Variants in CFDP1 observed in about 807,000 individuals in gnomAD.
CFDP1 encodes chromatin remodeling protein CFDP1.
A neutral mutation model predicts 40.1 loss-of-function variants in CFDP1; 31 were observed. That is an observed-to-expected ratio of 0.77 (90% CI 0.58 to 1.04). The LOEUF (loss-of-function observed/expected upper bound fraction) is 1.04, where lower values mean the gene tolerates loss of function less well. CFDP1 is among the 50% of genes least tolerant of loss of function. The pLI is 0.00. For missense variants in CFDP1, 423 were observed against 343.4 expected (o/e 1.23, Z -1.83); for synonymous variants, 167 against 120.0 (o/e 1.39, Z -2.56).
chr16:75,312,885 C>T (rs1314392477), intron 5 of CFDP1, among the ~76,000 whole-genome samples: 1 of 152,170 alleles, frequency 6.6e-6, no homozygotes, highest in African/African-American at 2.4e-5. Context: ...GCACAGACTC[C>T]TGGTCTCTAT....
rs79605602 is a variant in CFDP1, at chr16:75,310,293, T to C, written c.651-5111A>G. 1.4e-3 allele frequency among the ~76,000 whole-genome samples: 215 copies of C among 152,302 alleles called. 6 individuals are homozygous for C. In the East Asian group the frequency reaches 0.039, roughly 27 times the overall value. On this transcript the variant is annotated intron_variant, in intron 5 of 6. Transcript: ENST00000283882. ...GAAAGAGACACTTATTTTCCAAGCT[T>C]ATCTTTCTTGCATATTTTGTTCAGT...
intron 6 of CFDP1, among the ~76,000 whole-genome samples, chr16:75,302,333 T>G (rs1385380444): frequency 1.3e-5 from 2 of 152,340 alleles, no homozygotes; most frequent in East Asian, 3.9e-4. Context: ...CGATCAGAGC[T>G]CACTGCAGCC....
chr16:75,298,158 T>G (rs1417705768), intron 6 of CFDP1, among the ~76,000 whole-genome samples: 3 of 152,248 alleles, frequency 2.0e-5, no homozygotes, highest in Non-Finnish European at 4.4e-5. Flanking sequence ...TGTGTTTGTT[T>G]AAACTTGGGT....
intron 5 of CFDP1, among the ~76,000 whole-genome samples, chr16:75,382,090 G>A (rs534038697): frequency 6.6e-6 from 1 of 151,108 alleles, no homozygotes; most frequent in African/African-American, 2.4e-5. Context: ...ACTCCAGCCT[G>A]GGCAACAGGA....
chr16:75,314,165 G>A (rs1231223745), intron 5 of CFDP1, among the ~76,000 whole-genome samples: 7 of 152,318 alleles, frequency 4.6e-5, no homozygotes, highest in South Asian at 2.1e-4. Flanking sequence ...GATTACAGGC[G>A]TGAGCCATCG....
At chr16:75,428,828 G>A (rs1384230165) in intron 1 of CFDP1, among the ~76,000 whole-genome samples, 1 of 151,724 alleles carries the variant, frequency 6.6e-6, no homozygotes, top group African/African-American at 2.4e-5. Context: ...ATTAGAAAAT[G>A]GGAACAGGCC....
chr16:75,401,156 C>A (rs1355023766), intron 4 of CFDP1, among the ~76,000 whole-genome samples: 2 of 151,998 alleles, frequency 1.3e-5, no homozygotes, highest in Non-Finnish European at 2.9e-5. Context: ...TGGCTGGGCG[C>A]AGTGGCTCAC....
At chr16:75,365,028 G>T (rs2078704334) in intron 5 of CFDP1, among the ~76,000 whole-genome samples, 1 of 152,234 alleles carries the variant, frequency 6.6e-6, no homozygotes, top group South Asian at 2.1e-4. Flanking sequence ...ATAATGTGTT[G>T]TGGATTATTT....
intron 5 of CFDP1, among the ~76,000 whole-genome samples, chr16:75,356,215 G>C (rs2078643214): frequency 6.6e-6 from 1 of 152,148 alleles, no homozygotes; most frequent in African/African-American, 2.4e-5. Flanking sequence ...ATGTATTTAA[G>C]TAATAAGACC....
At chr16:75,366,629 A>T (rs1296698612) in intron 5 of CFDP1, among the ~76,000 whole-genome samples, 2 of 152,128 alleles carry the variant, frequency 1.3e-5, no homozygotes, top group African/African-American at 4.8e-5. Context: ...ACTCTGTCTC[A>T]AAAACAAACA....
At chr16:75,412,856 T>C in intron 2 of CFDP1, 102 bp from the exon 3 acceptor site, 1 of 874,206 alleles carries the variant, frequency 1.1e-6, no homozygotes, top group Non-Finnish European at 1.8e-6. Flanking sequence ...AAGAACACTT[T>C]AAATTCTGGG....
At chr16:75,401,919 G>A (rs1250665937) in intron 4 of CFDP1, among the ~76,000 whole-genome samples, 1 of 152,184 alleles carries the variant, frequency 6.6e-6, no homozygotes, top group Non-Finnish European at 1.5e-5. Context: ...AACCATGAAA[G>A]CAAGTCATTG....
intron 4 of CFDP1, among the ~76,000 whole-genome samples, chr16:75,408,430 T>G (rs2079124155): frequency 6.6e-6 from 1 of 151,980 alleles, no homozygotes; most frequent in African/African-American, 2.4e-5. Flanking sequence ...TCAATACAAC[T>G]TAGATTAAGA....
intron 4 of CFDP1, among the ~76,000 whole-genome samples, chr16:75,401,288 C>A (rs1434250668): frequency 6.6e-6 from 1 of 151,962 alleles, no homozygotes; most frequent in East Asian, 1.9e-4. Flanking sequence ...ATTAGCCAGG[C>A]TTGGTGGCGA....
intron 1 of CFDP1, among the ~76,000 whole-genome samples, chr16:75,417,355 TATG>T (rs773601036): frequency 7.2e-5 from 11 of 152,160 alleles, no homozygotes; most frequent in Non-Finnish European, 1.3e-4. Flanking sequence ...CTGAAAATGC[TATG>T]GTCCATCTAA....
chr16:75,368,312 T>A (rs1003562346), intron 5 of CFDP1, among the ~76,000 whole-genome samples: 13 of 152,294 alleles, frequency 8.5e-5, no homozygotes, highest in African/African-American at 2.4e-4. Context: ...TACACTTAAA[T>A]ATTTACAGCT....
chr16:75,366,565 G>T (rs902106434), intron 5 of CFDP1, among the ~76,000 whole-genome samples: 1 of 152,176 alleles, frequency 6.6e-6, no homozygotes, highest in Non-Finnish European at 1.5e-5. Context: ...GGAGGTTGCA[G>T]TGAGCCGAGA....
intron 5 of CFDP1, among the ~76,000 whole-genome samples, chr16:75,362,241 G>C (rs1475555357): frequency 6.6e-6 from 1 of 152,182 alleles, no homozygotes; most frequent in Admixed American, 6.5e-5. Context: ...TCTCCATACA[G>C]ATCAGTGGTC....
intron 1 of CFDP1, among the ~76,000 whole-genome samples, chr16:75,428,149 G>A (rs1290130543): frequency 6.7e-6 from 1 of 149,118 alleles, no homozygotes; most frequent in African/African-American, 2.5e-5. Flanking sequence ...TTTTTTTTAA[G>A]AGGGTTGACG....
Sources: allele counts gnomAD v4.1 joint callset (sites outside exome capture counted in the v4.1 genomes callset), GRCh38; gene constraint gnomAD v4.1.1; transcripts MANE v1.5; gene names NCBI Gene and HGNC (gene_info 2026-07-23, HGNC 2026-07-21).